The following FBXO42 variants were observed in gnomAD, a reference collection of about 807,000 sequenced individuals.
FBXO42 encodes F-box protein 42, also known as F-box only protein 42.
Under a neutral mutation model 71.7 loss-of-function variants are expected in FBXO42, and 12 were observed. The observed-to-expected ratio is 0.17, with a 90% CI of 0.11 to 0.27. The LOEUF is 0.27. Ranked by LOEUF, FBXO42 falls within the 10% of genes least tolerant of loss-of-function variation. The probability of loss-of-function intolerance (pLI) is 1.00; values close to 1 mark genes in which losing one functional copy is unlikely to be tolerated. For missense variants in FBXO42, 707 were observed against 911.9 expected, an observed-to-expected ratio of 0.78 and a Z score of 2.89; for synonymous variants, 325 against 327.5, an observed-to-expected ratio of 0.99 and a Z score of 0.08.
At chr1:16,330,982 A>T (rs1470431742) in intron 1 of FBXO42, among the ~76,000 whole-genome samples, 4 of 152,030 alleles carry the variant, frequency 2.6e-5, no homozygotes, top group African/African-American at 9.7e-5. Context: ...TTAGCTGGGC[A>T]TGGTGGCGCG....
chr1:16,335,059 T>G (rs961642304), intron 1 of FBXO42, among the ~76,000 whole-genome samples: 6 of 35,694 alleles, frequency 1.7e-4, no homozygotes, highest in African/African-American at 4.8e-4. Flanking sequence ...AAACCTCGTC[T>G]GTACAAAAAA....
chr1:16,322,208 T>C (rs1032654975), intron 1 of FBXO42, among the ~76,000 whole-genome samples: 33 of 152,192 alleles, frequency 2.2e-4, no homozygotes, highest in Admixed American at 1.6e-3. Flanking sequence ...TTTTAAGGTA[T>C]ATATACTGGC....
chr1:16,323,279 G>T (rs760498031), intron 1 of FBXO42, among the ~76,000 whole-genome samples: 2 of 151,822 alleles, frequency 1.3e-5, no homozygotes, highest in Admixed American at 1.3e-4. Flanking sequence ...TTAGCTGGGC[G>T]TGGTGGTGGG....
chr1:16,282,858 G>A (rs992415648), intron 4 of FBXO42, among the ~76,000 whole-genome samples: 6 of 152,040 alleles, frequency 3.9e-5, no homozygotes, highest in Non-Finnish European at 7.4e-5. Context: ...GTGGGTGCCT[G>A]TAATCCCAGC....
At position 16,352,240 on chromosome 1, in the gene FBXO42, G is replaced by A. The variant is rs2082708818; in HGVS notation, c.-18+15C>T. On this transcript the variant is annotated intron_variant, in intron 1 of 9. Coordinates refer to ENST00000375592, the MANE Select transcript of FBXO42 (RefSeq NM_018994.3). ...CGGCTCCCCTCTGCGGCCCGGGGAG[G>A]AGGAGAGGCCTCACCTGGCCCAGCC... is the stretch of plus-strand genomic sequence containing the variant. 1 of 394,570 alleles carries A rather than the reference G, an allele frequency of 2.5e-6. No homozygotes were observed. The highest frequency in any genetic ancestry group is 4.5e-6 in the Non-Finnish European group (1 of 223,972). 24.4% of individuals were successfully genotyped at this position (394,570 alleles called of 1,614,324 possible). A position where few individuals can be genotyped will look rare whatever the true frequency, so the allele number is the denominator to read the frequency against.
chr1:16,253,530 T>C (rs1451840496), intron 7 of FBXO42, 105 bp downstream of exon 7: 3 of 867,706 alleles, frequency 3.5e-6, no homozygotes, highest in Non-Finnish European at 5.4e-6. Context: ...ACATTTTCTT[T>C]GGCTTAGTGC....
At chr1:16,347,562 T>A (rs938629704) in intron 1 of FBXO42, among the ~76,000 whole-genome samples, 3 of 150,882 alleles carry the variant, frequency 2.0e-5, no homozygotes, top group Non-Finnish European at 3.0e-5. Context: ...AATTAAAAAG[T>A]AGAAATTTCA....
At chr1:16,298,604 G>A (rs1359426965) in intron 3 of FBXO42, among the ~76,000 whole-genome samples, 1 of 152,016 alleles carries the variant, frequency 6.6e-6, no homozygotes, top group African/African-American at 2.4e-5. Flanking sequence ...CCGCCTCCTA[G>A]GTTCAAGTGA....
Position 16,253,011 on chromosome 1 carries a change from T to C in FBXO42, c.921+85A>G, listed in dbSNP as rs189072803. 2.1e-4 allele frequency: 247 copies of C among 1,181,950 alleles called. No individual in the cohort carries two copies. The African/African-American group carries it at 3.2e-3, about 16-fold the overall frequency. 73.2% of individuals were successfully genotyped at this position (1,181,950 alleles called of 1,614,324 possible). ...TTAAAATGCCATGGAAATAGTCTTG[T>C]ATACTCCTAGAAAAGAAGACAGGGG... On this transcript the variant is annotated intron_variant, in intron 8 of 9. Transcript: ENST00000375592.
At chr1:16,328,618 T>TAC (rs894112109) in intron 1 of FBXO42, among the ~76,000 whole-genome samples, 5 of 151,846 alleles carry the variant, frequency 3.3e-5, no homozygotes, top group South Asian at 2.1e-4. Context: ...GTGCATAATA[T>TAC]ACACACACAC....
intron 1 of FBXO42, among the ~76,000 whole-genome samples, chr1:16,348,103 T>C (rs1265268698): frequency 6.6e-6 from 1 of 152,122 alleles, no homozygotes; most frequent in Non-Finnish European, 1.5e-5. Context: ...GTAAGTCATA[T>C]CCTTGTACAT....
At chr1:16,277,355 A>G (rs564365488) in intron 4 of FBXO42, among the ~76,000 whole-genome samples, 3 of 152,334 alleles carry the variant, frequency 2.0e-5, no homozygotes, top group Admixed American at 1.3e-4. Flanking sequence ...AATAGTGACA[A>G]GCACATTAAT....
At chr1:16,348,036 A>G (rs1016601447) in intron 1 of FBXO42, among the ~76,000 whole-genome samples, 2 of 151,948 alleles carry the variant, frequency 1.3e-5, no homozygotes, top group African/African-American at 2.4e-5. Context: ...AGACTTGCCT[A>G]TAAGTCATAA....
At chr1:16,261,959 G>A (rs996270058) in intron 4 of FBXO42, among the ~76,000 whole-genome samples, 4 of 152,044 alleles carry the variant, frequency 2.6e-5, no homozygotes, top group African/African-American at 7.2e-5. Context: ...TGATCCACCC[G>A]CCTTGGTCTC....
chr1:16,262,382 T>C (rs1417621229), intron 4 of FBXO42, among the ~76,000 whole-genome samples: 2 of 152,168 alleles, frequency 1.3e-5, no homozygotes, highest in African/African-American at 4.8e-5. Flanking sequence ...CTCGATGATC[T>C]TAAAGCAAAA....
intron 1 of FBXO42, among the ~76,000 whole-genome samples, chr1:16,344,459 C>T (rs1244306393): frequency 6.7e-6 from 1 of 148,464 alleles, no homozygotes; most frequent in Non-Finnish European, 1.5e-5. Context: ...GCTGAGATTA[C>T]AGGCACATAC....
intron 2 of FBXO42, among the ~76,000 whole-genome samples, chr1:16,312,297 G>A (rs533116598): frequency 6.6e-6 from 1 of 152,246 alleles, no homozygotes; most frequent in South Asian, 2.1e-4. Context: ...GGGAGACGGA[G>A]GTTGCAGTGA....
chr1:16,261,649 T>C (rs1439377346), intron 4 of FBXO42, among the ~76,000 whole-genome samples: 2 of 152,082 alleles, frequency 1.3e-5, no homozygotes, highest in East Asian at 1.9e-4. Flanking sequence ...GAGATCAACA[T>C]ACAGCTTTTA....
chr1:16,300,889 T>C (rs952929749), intron 3 of FBXO42, among the ~76,000 whole-genome samples: 2 of 148,550 alleles, frequency 1.3e-5, no homozygotes, highest in African/African-American at 5.0e-5. Context: ...AAGCTAGAAT[T>C]GGCCTTTTTT....
Sources: allele counts gnomAD v4.1 joint callset (sites outside exome capture counted in the v4.1 genomes callset), GRCh38; gene constraint gnomAD v4.1.1; transcripts MANE v1.5; gene names NCBI Gene and HGNC (gene_info 2026-07-23, HGNC 2026-07-21).